Variants in ANKRD11 observed in about 807,000 individuals in gnomAD.
ANKRD11 encodes ankyrin repeat domain-containing protein 11.
A neutral mutation model predicts 195.7 loss-of-function variants in ANKRD11; 17 were observed. The observed-to-expected ratio is 0.09, with a 90% CI of 0.06 to 0.13. ANKRD11 has a LOEUF of 0.13. Ranked by LOEUF, ANKRD11 falls within the 10% of genes least tolerant of loss-of-function variation. ANKRD11 has a pLI of 1.00. For missense variants in ANKRD11, 3,735 were observed against 3,566.1 expected (o/e 1.05, Z -1.21); for synonymous variants, 1,953 against 1,528.1 (o/e 1.28, Z -6.49).
In ANKRD11 at chr16:89,280,203, G is replaced by A; in HGVS notation, c.6339C>T (p.Gly2113=). The A allele has an allele frequency of 6.2e-7, 1 of 1,608,344 alleles. No homozygotes were observed. Among genetic ancestry groups the A allele is most frequent in the Non-Finnish European group, 8.5e-7 (1 of 1,179,144 alleles). The change falls in exon 9 of 13, where the codon GGC becomes GGT. Residue 2113 remains glycine, a synonymous_variant. Transcript: ENST00000301030. ...LDGSRGLSHL[G]QVEPVPWADA... ...CCGCCCAGGGCACCGGCTCCACCTG[G>A]CCGAGGTGAGACAGGCCGCGGCTGC... is the stretch of plus-strand genomic sequence containing the variant.
intron 1 of ANKRD11, among the ~76,000 whole-genome samples, chr16:89,447,726 C>A (rs1460701147): frequency 6.6e-6 from 1 of 150,678 alleles, no homozygotes; most frequent in Non-Finnish European, 1.5e-5. Flanking sequence ...CGTGAGCCAC[C>A]GCGCCTGGCC....
intron 2 of ANKRD11, among the ~76,000 whole-genome samples, chr16:89,415,829 C>CAAACAAA (rs1343927982): frequency 2.5e-5 from 1 of 39,744 alleles, no homozygotes; most frequent in African/African-American, 9.3e-5. Context: ...GACTCTGTCT[C>CAAACAAA]AAAAAAAAAA....
intron 1 of ANKRD11, among the ~76,000 whole-genome samples, chr16:89,465,727 C>T (rs970854193): frequency 1.1e-4 from 17 of 152,088 alleles, no homozygotes; most frequent in Non-Finnish European, 1.6e-4. Context: ...TTTTTTGAGA[C>T]GGAGTCGGAG....
At chr16:89,452,661 C>G (rs1160703213) in intron 1 of ANKRD11, among the ~76,000 whole-genome samples, 2 of 151,060 alleles carry the variant, frequency 1.3e-5, no homozygotes, top group South Asian at 2.1e-4. Flanking sequence ...CCTGTAATCT[C>G]AGCTCAGGAG....
At chr16:89,271,324 A>C in intron 11 of ANKRD11, 1 of 286,786 alleles carries the variant, frequency 3.5e-6, no homozygotes. Flanking sequence ...CGCAGCCTCC[A>C]CCTCCAGGGT....
At chr16:89,296,696 C>T (rs141954570) in intron 4 of ANKRD11, among the ~76,000 whole-genome samples, 12 of 152,362 alleles carry the variant, frequency 7.9e-5, no homozygotes, top group African/African-American at 2.2e-4. Context: ...TCTTCCTCAA[C>T]GTCTTGTAAT....
At chr16:89,288,071 G>T (rs185315598) in intron 7 of ANKRD11, 1 of 568,242 alleles carries the variant, frequency 1.8e-6, no homozygotes, top group East Asian at 2.8e-5. Flanking sequence ...ACTGCTCCTG[G>T]GCCGGCCACA....
Position 89,490,327 on chromosome 16 carries a change from C to A in ANKRD11, c.-227G>T. ...CCATGCAGCCCGCGGCCGCGTTTCC[C>A]GGGCCGCGCGGCCCGAGCGGCAAGG... is the stretch of plus-strand genomic sequence containing the variant. On this transcript the variant is annotated 5_prime_UTR_variant, in exon 1 of 13. Coordinates refer to ENST00000301030, the MANE Select transcript of ANKRD11 (RefSeq NM_013275.6). The A allele has an allele frequency of 6.8e-6, 1 of 147,298 alleles. No individual in the cohort carries two copies. Among genetic ancestry groups the A allele is most frequent in the South Asian group, 1.8e-4 (1 of 5,544 alleles). The allele number at this position is 147,298 out of a possible 1,614,324, so 9.1% of individuals were successfully genotyped here. A position where few individuals can be genotyped will look rare whatever the true frequency, so the allele number is the denominator to read the frequency against.
intron 1 of ANKRD11, among the ~76,000 whole-genome samples, chr16:89,479,040 T>A (rs1409430639): frequency 6.6e-6 from 1 of 152,114 alleles, no homozygotes; most frequent in Non-Finnish European, 1.5e-5. Context: ...AACCTCAACC[T>A]TCGGGCCTCA....
chr16:89,463,264 G>A (rs901186229), intron 1 of ANKRD11, among the ~76,000 whole-genome samples: 1 of 152,214 alleles, frequency 6.6e-6, no homozygotes, highest in Non-Finnish European at 1.5e-5. Flanking sequence ...TTGAGAAATC[G>A]GATGGTTGCC....
At chr16:89,350,375 T>C (rs12102606) in intron 2 of ANKRD11, among the ~76,000 whole-genome samples, 2,473 of 152,226 alleles carry the variant, frequency 0.016, 35 homozygotes, top group Middle Eastern at 0.034. Flanking sequence ...CAACTACTCA[T>C]ATCAGCTTGA....
chr16:89,313,683 CAGG>C, intron 3 of ANKRD11: 1 of 1,069,940 alleles, frequency 9.3e-7, no homozygotes, highest in African/African-American at 1.6e-5. Flanking sequence ...CAGCCTGTAC[CAGG>C]AGAAGGCAGG....
At chr16:89,303,333 G>C (rs1199812144) in intron 4 of ANKRD11, among the ~76,000 whole-genome samples, 1 of 152,204 alleles carries the variant, frequency 6.6e-6, no homozygotes, top group Non-Finnish European at 1.5e-5. Flanking sequence ...GCAAACACAG[G>C]GTTTCAGGCC....
Position 89,280,256 on chromosome 16 carries a change from C to T in ANKRD11, c.6286G>A (p.Gly2096Arg). 1.9e-6 allele frequency: 3 copies of T among 1,608,710 alleles called. No homozygotes were observed. Among genetic ancestry groups the T allele is most frequent in the Non-Finnish European group, 2.5e-6 (3 of 1,179,440 alleles). Residue 2096 changes from glycine to arginine, a missense_variant, in exon 9 of 13, where the codon GGG becomes AGG. By Grantham distance (125) the Gly-to-Arg change is moderately radical (BLOSUM62 -2). Coordinates refer to ENST00000301030, the MANE Select transcript of ANKRD11 (RefSeq NM_013275.6). ...TCCAGGAAGCTATTTTCCAGGGGCC[C>T]CAGAGCCTCCACCTGAGCCACAGCG... Reference protein sequence around the residue: ...VAAVAQVEALGPLENSFLDGS... With the variant: ...VAAVAQVEALRPLENSFLDGS...
At chr16:89,366,643 G>A (rs776889865) in intron 2 of ANKRD11, among the ~76,000 whole-genome samples, 1 of 152,202 alleles carries the variant, frequency 6.6e-6, no homozygotes, top group Non-Finnish European at 1.5e-5. Flanking sequence ...GCTAACCCGA[G>A]CTGTTTCCTG....
Position 89,280,301 on chromosome 16 carries a change from G to T in ANKRD11, c.6241C>A (p.Pro2081Thr). 1 of 1,597,528 alleles carries T rather than the reference G, an allele frequency of 6.3e-7. No homozygotes were observed. The highest frequency in any genetic ancestry group is 8.5e-7 in the Non-Finnish European group (1 of 1,172,390). ...ACAGCGGCTACACAGGCGGGCTCGG[G>T]GGCCACGTCCAGCGGGGCTTCCGGA... ...SLPEAPLDVA[P>T]EPACVAAVAQ... The change falls in exon 9 of 13, where the codon CCC becomes ACC. Residue 2081 changes from proline to threonine, a missense_variant. Physicochemically the swap from Pro to Thr is conservative, Grantham distance 38. Transcript: ENST00000301030.
chr16:89,355,335 G>C (rs1035144190), intron 2 of ANKRD11, among the ~76,000 whole-genome samples: 1 of 152,300 alleles, frequency 6.6e-6, no homozygotes, highest in Admixed American at 6.5e-5. Flanking sequence ...AAGGACCAAA[G>C]AGGAACGTGC....
At chr16:89,392,747 C>A (rs1324851816) in intron 2 of ANKRD11, 1 of 148,002 alleles carries the variant, frequency 6.8e-6, no homozygotes, top group African/African-American at 2.5e-5. Context: ...TCCGGCACAC[C>A]CAGAACCTGC....
intron 2 of ANKRD11, chr16:89,372,994 AC>A (rs2040260676): frequency 6.6e-6 from 1 of 152,238 alleles, no homozygotes. Context: ...CGAGGAAGGC[AC>A]AGCACCCACA....
Sources: gnomAD v4.1 joint callset for allele counts (sites outside exome capture counted in the v4.1 genomes callset) on GRCh38, gnomAD v4.1.1 for gene constraint, MANE v1.5 for transcripts, NCBI Gene and HGNC (gene_info 2026-07-23, HGNC 2026-07-21) for gene names.